GPR35: variants seen among roughly 807,000 people sequenced by gnomAD.
GPR35 encodes the protein KYNA receptor.
For synonymous variants in GPR35, 207 were observed against 198.4 expected (o/e 1.04, Z -0.36); for missense variants, 372 against 422.5 (o/e 0.88, Z 1.05).
In GPR35 at chr2:240,630,902, G is replaced by C. The variant is rs780346623; in HGVS notation, c.*20G>C. Reference sequence around the variant, plus strand: ...GCCTAAGAGGCGTGCTGTGGGCGCTGTGGGCCAGGTCTCGGGGGCTCCGGG... The same window carrying C: ...GCCTAAGAGGCGTGCTGTGGGCGCTCTGGGCCAGGTCTCGGGGGCTCCGGG... On this transcript the variant is annotated 3_prime_UTR_variant, in exon 2 of 2. Coordinates refer to ENST00000407714, the MANE Select transcript of GPR35 (RefSeq NM_005301.5). 6.3e-7 allele frequency: 1 copy of C among 1,595,678 alleles called. No homozygotes were observed.
chr2:240,616,654 C>A, intron 3 of GPR35: 1 of 669,420 alleles, frequency 1.5e-6, no homozygotes, highest in South Asian at 1.7e-5. Context: ...CCAAGAGACC[C>A]CCCAGTGGGT....
At chr2:240,629,709 C>G (rs2043417826) in intron 1 of GPR35, 1 of 442,664 alleles carries the variant, frequency 2.3e-6, no homozygotes, top group Non-Finnish European at 4.0e-6. Flanking sequence ...TGACAGCAGG[C>G]AGATCCCAGG....
chr2:240,619,312 G>A (rs1334179913), intron 5 of GPR35, among the ~76,000 whole-genome samples: 1 of 152,178 alleles, frequency 6.6e-6, no homozygotes, highest in African/African-American at 2.4e-5. Flanking sequence ...TGATCGTTTT[G>A]AGCATCGTTT....
chr2:240,623,640 T>C (rs1287385049), upstream of GPR35, among the ~76,000 whole-genome samples: 1 of 151,948 alleles, frequency 6.6e-6, no homozygotes, highest in Non-Finnish European at 1.5e-5. Flanking sequence ...GGGCCCAGGC[T>C]CCAGGCTGGG....
chr2:240,610,381 C>G (rs1476451013), intron 2 of GPR35, among the ~76,000 whole-genome samples: 1 of 152,138 alleles, frequency 6.6e-6, no homozygotes, highest in Admixed American at 6.5e-5. Flanking sequence ...CATTCTTTTA[C>G]ATTGTTTTCA....
intron 1 of GPR35, 81 bp downstream of exon 1, chr2:240,625,649 T>TA (rs2043360298): frequency 1.9e-6 from 1 of 520,478 alleles, no homozygotes; most frequent in Non-Finnish European, 2.4e-6. Context: ...GAGGCTGTGA[T>TA]GGGGTCTCAG....
At chr2:240,625,178 G>T, upstream of GPR35, 1 of 751,426 alleles carries the variant, frequency 1.3e-6, no homozygotes, top group Non-Finnish European at 1.6e-6. Flanking sequence ...GGGCTGGGGA[G>T]GAGGAAGGCT....
chr2:240,624,557 C>A (rs185109587), upstream of GPR35, among the ~76,000 whole-genome samples: 106 of 152,312 alleles, frequency 7.0e-4, no homozygotes, highest in African/African-American at 2.4e-3. Context: ...CTGGGCCAAG[C>A]GCTTCCCTTC....
chr2:240,613,687 A>G (rs1383462110), intron 2 of GPR35, among the ~76,000 whole-genome samples: 1 of 151,976 alleles, frequency 6.6e-6, no homozygotes, highest in Admixed American at 6.5e-5. Context: ...ACCTAACCAT[A>G]ACACTAACTC....
At chr2:240,610,283 C>T (rs2043170250) in intron 2 of GPR35, among the ~76,000 whole-genome samples, 1 of 152,028 alleles carries the variant, frequency 6.6e-6, no homozygotes, top group African/African-American at 2.4e-5. Context: ...TTTTATTTTG[C>T]AATATTCCCT....
rs963318405 is a variant in GPR35 at position 240,613,125 on chromosome 2, G to T, written c.-576-3263G>T. 5.9e-5 allele frequency among the ~76,000 whole-genome samples: 9 copies of T among 152,332 alleles called. No homozygotes were observed. In the East Asian group the frequency reaches 1.4e-3, roughly 23 times the overall value. On this transcript the variant is annotated intron_variant, in intron 2 of 5. Transcript: ENST00000319838. Reference sequence around the variant, plus strand: ...GAGCCTGATAGCTCAGGGACCAGCTGGGATGCTCAGTAAACAAGAGCTCCA... The same window carrying T: ...GAGCCTGATAGCTCAGGGACCAGCTTGGATGCTCAGTAAACAAGAGCTCCA...
upstream of GPR35, among the ~76,000 whole-genome samples, chr2:240,624,016 G>C (rs1267881205): frequency 9.9e-5 from 15 of 151,784 alleles, no homozygotes; most frequent in African/African-American, 3.4e-4. Flanking sequence ...TGGTGGGGGG[G>C]GTGGGGGAGC....
rs879625226 is a variant in GPR35, at chr2:240,632,209, G to C, written c.*1327G>C. On this transcript the variant is annotated 3_prime_UTR_variant, in exon 2 of 2. Transcript: ENST00000407714. The stretch of plus-strand genomic sequence containing the variant: ...CCTGGTTGGGGGGGGTCTATGTCCA[G>C]GAGGGTCCCATGCCTGGAAGGGTCC... 1.3e-5 allele frequency among the ~76,000 whole-genome samples: 2 copies of C among 151,924 alleles called. No homozygotes were observed. The highest frequency in any genetic ancestry group is 2.9e-5 in the Non-Finnish European group (2 of 67,960).
chr2:240,618,906 G>A (rs761871088), exon 5 of GPR35: 3 of 698,290 alleles, frequency 4.3e-6, no homozygotes, highest in South Asian at 1.5e-5. Flanking sequence ...GTCCTGTGGT[G>A]TGAACACGCT....
At chr2:240,616,150 C>T (rs886958081) in intron 2 of GPR35, among the ~76,000 whole-genome samples, 1 of 152,104 alleles carries the variant, frequency 6.6e-6, no homozygotes, top group African/African-American at 2.4e-5. Flanking sequence ...CTGATGTCAT[C>T]CAGGGGGCAA....
At chr2:240,629,828 TGG>T in intron 1 of GPR35, 119 bp from the exon 2 acceptor site, 1 of 789,090 alleles carries the variant, frequency 1.3e-6, no homozygotes, top group African/African-American at 1.7e-5. Context: ...TTTGTGTTTG[TGG>T]GTGTGGGGTC....
upstream of GPR35, among the ~76,000 whole-genome samples, chr2:240,621,028 G>C (rs375586124): frequency 6.6e-5 from 10 of 152,252 alleles, no homozygotes; most frequent in African/African-American, 2.2e-4. Flanking sequence ...TCTGTGAAGA[G>C]GGGAACAGAA....
chr2:240,621,097 G>A (rs1014598107), upstream of GPR35, among the ~76,000 whole-genome samples: 4 of 152,178 alleles, frequency 2.6e-5, no homozygotes, highest in Admixed American at 6.5e-5. Flanking sequence ...ATCCTCTCTC[G>A]GGGTCCACAA....
chr2:240,622,530 C>CA (rs1210752972), upstream of GPR35, among the ~76,000 whole-genome samples: 1 of 151,822 alleles, frequency 6.6e-6, no homozygotes, highest in African/African-American at 2.4e-5. Context: ...AGCTGATGAG[C>CA]AAAAAAAGGT....
Sources: gnomAD v4.1 joint callset for allele counts (sites outside exome capture counted in the v4.1 genomes callset) on GRCh38, gnomAD v4.1.1 for gene constraint, MANE v1.5 for transcripts, NCBI Gene and HGNC (gene_info 2026-07-23, HGNC 2026-07-21) for gene names.